DGUOK: variants seen among roughly 807,000 people sequenced by gnomAD.
The protein encoded by DGUOK is deoxyguanosine kinase, mitochondrial.
Under a neutral mutation model 36.6 loss-of-function variants are expected in DGUOK, and 30 were observed. The observed-to-expected ratio is 0.82, with a 90% CI of 0.61 to 1.11. The LOEUF is 1.11. Ranked by LOEUF, DGUOK falls within the 50% of genes most tolerant of loss-of-function variation. The pLI, the probability that DGUOK is intolerant of heterozygous loss-of-function variation, is 0.00. For synonymous variants in DGUOK, 145 were observed against 126.3 expected (o/e 1.15, Z -0.99); for missense variants, 361 against 336.4 (o/e 1.07, Z -0.57).
intron 1 of DGUOK, among the ~76,000 whole-genome samples, chr2:73,933,993 C>T (rs974570742): frequency 5.3e-5 from 8 of 152,056 alleles, no homozygotes; most frequent in South Asian, 2.1e-4. Context: ...TAAAAGATTT[C>T]AGAATTGGAT....
At chr2:73,943,113 G>T (rs1248264533) in intron 2 of DGUOK, among the ~76,000 whole-genome samples, 8 of 151,978 alleles carry the variant, frequency 5.3e-5, no homozygotes, top group African/African-American at 1.5e-4. Flanking sequence ...CAGTTGGTTG[G>T]TATTATTATT....
intron 4 of DGUOK, among the ~76,000 whole-genome samples, chr2:73,954,845 C>T (rs1451601387): frequency 6.6e-6 from 1 of 152,180 alleles, no homozygotes; most frequent in Non-Finnish European, 1.5e-5. Context: ...TCTCCCTCGC[C>T]ACTTGTAGCT....
chr2:73,958,092 G>T lies in DGUOK; in HGVS notation c.708-54G>T. 2.8e-6 allele frequency: 4 copies of T among 1,437,090 alleles called. No homozygotes were observed. The South Asian group carries it at 3.5e-5, about 13-fold the overall frequency. 89.0% of individuals were successfully genotyped at this position (1,437,090 alleles called of 1,614,324 possible). A position where few individuals can be genotyped will look rare whatever the true frequency, so the allele number is the denominator to read the frequency against. On this transcript the variant is annotated intron_variant, in intron 5 of 6. Transcript: ENST00000264093. ...AAGACTTGGCGAGTATGTGAAACTT[G>T]ACTCAAGTTACATTTCTTTTTTTCT...
At chr2:73,931,161 G>C (rs1255915900) in intron 1 of DGUOK, among the ~76,000 whole-genome samples, 1 of 152,206 alleles carries the variant, frequency 6.6e-6, no homozygotes, top group Non-Finnish European at 1.5e-5. Context: ...CAGAATCTCT[G>C]GGGTAGGAAT....
chr2:73,942,166 T>C (rs1033024808), intron 2 of DGUOK, among the ~76,000 whole-genome samples: 2 of 152,206 alleles, frequency 1.3e-5, no homozygotes, highest in African/African-American at 4.8e-5. Flanking sequence ...TGAATTGGCC[T>C]CCCAAAGTGC....
chr2:73,928,681 T>C (rs1056945635), intron 1 of DGUOK, among the ~76,000 whole-genome samples: 5 of 152,192 alleles, frequency 3.3e-5, no homozygotes, highest in African/African-American at 1.2e-4. Context: ...CCAGATTTTA[T>C]AGGCCTTATC....
intron 1 of DGUOK, among the ~76,000 whole-genome samples, chr2:73,932,891 C>T (rs935552282): frequency 3.3e-5 from 5 of 152,110 alleles, no homozygotes; most frequent in South Asian, 4.1e-4. Flanking sequence ...AAATAAAACA[C>T]CTAGCCTGTC....
At chr2:73,943,939 G>T (rs982357032) in intron 2 of DGUOK, among the ~76,000 whole-genome samples, 4 of 151,940 alleles carry the variant, frequency 2.6e-5, no homozygotes, top group African/African-American at 9.7e-5. Context: ...GAGCCACCAT[G>T]TCCAGCCCCT....
intron 3 of DGUOK, 42 bp from the exon 4 acceptor site, chr2:73,950,543 C>G: frequency 6.2e-7 from 1 of 1,610,162 alleles, no homozygotes; most frequent in African/African-American, 1.3e-5. Flanking sequence ...ATTCCATTTC[C>G]CATTCTCCTG....
In DGUOK at chr2:73,956,989, A is replaced by G. The variant is rs1034135401; in HGVS notation, c.592-136A>G. ...GTAGATCCTCTGATTGCATAAGAAA[A>G]CAAGACAGCAGAAGCAAAGGCATGG... On this transcript the variant is annotated intron_variant, in intron 4 of 6. Coordinates refer to ENST00000264093, the MANE Select transcript of DGUOK (RefSeq NM_080916.3). 5 of 559,940 alleles carry G rather than the reference A, an allele frequency of 8.9e-6. No homozygotes were observed. The African/African-American group carries it at 1.2e-4, about 13-fold the overall frequency. 34.7% of individuals were successfully genotyped at this position (559,940 alleles called of 1,614,324 possible). A position where few individuals can be genotyped will look rare whatever the true frequency, so the allele number is the denominator to read the frequency against.
At chr2:73,944,328 G>A (rs907373149) in intron 2 of DGUOK, among the ~76,000 whole-genome samples, 4 of 152,176 alleles carry the variant, frequency 2.6e-5, no homozygotes, top group African/African-American at 7.2e-5. Flanking sequence ...CCCTTAAACT[G>A]ATACTCTGTA....
chr2:73,958,176 AG>A lies in DGUOK; in HGVS notation c.739del (p.Val247CysfsTer14). 1 of 1,613,814 alleles carries A rather than the reference AG, an allele frequency of 6.2e-7. No individual in the cohort carries two copies. Among genetic ancestry groups the A allele is most frequent in the Non-Finnish European group, 8.5e-7 (1 of 1,179,808 alleles). ...ACTTTGAGGCTCTGATGAACATTCC[AG>A]TGCTGGTGTTGGATGTCAATGATGA... ...LHFEALMNIP[V>X]LVLDVNDDFS... On this transcript the variant is annotated frameshift_variant, in exon 6 of 7. Coordinates refer to ENST00000264093, the MANE Select transcript of DGUOK (RefSeq NM_080916.3). LOFTEE classifies it high-confidence loss of function.
chr2:73,958,260 A>C lies in DGUOK; in HGVS notation c.807+15A>C, dbSNP rs1462202752. On this transcript the variant is annotated intron_variant, in intron 6 of 6. Transcript: ENST00000264093. ...TCATGAGAGAGGTGGGAAGGACTTT[A>C]ACTCCTGTTTTCTGGTGGTTTCCTT... 1 of 1,592,888 alleles carries C rather than the reference A, an allele frequency of 6.3e-7. No individual in the cohort carries two copies. Among genetic ancestry groups the C allele is most frequent in the Admixed American group, 1.7e-5 (1 of 59,958 alleles).
At chr2:73,927,764 C>T (rs1347168616) in intron 1 of DGUOK, among the ~76,000 whole-genome samples, 1 of 152,172 alleles carries the variant, frequency 6.6e-6, no homozygotes, top group African/African-American at 2.4e-5. Context: ...AGTCAGAAAG[C>T]AAAATGAAGG....
At chr2:73,930,782 C>CTTTTTTTTTTTT (rs1020072202) in intron 1 of DGUOK, among the ~76,000 whole-genome samples, 1 of 95,476 alleles carries the variant, frequency 1.0e-5, no homozygotes, top group Non-Finnish European at 2.2e-5. Flanking sequence ...ACATAATTTT[C>CTTTTTTTTTTTT]TTTTTTTTTT....
chr2:73,928,778 C>A (rs1243521318), intron 1 of DGUOK, among the ~76,000 whole-genome samples: 3 of 152,112 alleles, frequency 2.0e-5, no homozygotes, highest in Non-Finnish European at 1.5e-5. Flanking sequence ...AAAAAGATCA[C>A]TGTGGCTGAT....
chr2:73,950,784 G>A, intron 4 of DGUOK, 52 bp downstream of exon 4: 3 of 1,610,010 alleles, frequency 1.9e-6, no homozygotes, highest in Non-Finnish European at 2.6e-6. Context: ...AACCTAAGAA[G>A]TGACATTCTC....
chr2:73,926,916 C>A lies in DGUOK; in HGVS notation c.6C>A (p.Ala2=). The change falls in exon 1 of 7, where the codon GCC becomes GCA. Residue 2 remains alanine (A), a synonymous_variant. Transcript: ENST00000264093. M[A]AGRLFLSRLR... The stretch of plus-strand genomic sequence containing the variant: ...CTGTGTGAATCGTGGGTGGGATGGC[C>A]GCGGGCCGCCTCTTTCTAAGTCGGC... 2 of 1,613,498 alleles carry A rather than the reference C, an allele frequency of 1.2e-6. No homozygotes were observed. The highest frequency in any genetic ancestry group is 1.7e-6 in the Non-Finnish European group (2 of 1,180,038).
intron 4 of DGUOK, among the ~76,000 whole-genome samples, chr2:73,952,295 C>T (rs542107204): frequency 6.6e-6 from 1 of 152,360 alleles, no homozygotes; most frequent in Admixed American, 6.5e-5. Context: ...GTTTATGTGA[C>T]TTCTTTCAAT....
Sources: allele counts gnomAD v4.1 joint callset (sites outside exome capture counted in the v4.1 genomes callset), GRCh38; gene constraint gnomAD v4.1.1; transcripts MANE v1.5; gene names NCBI Gene and HGNC (gene_info 2026-07-23, HGNC 2026-07-21).